EYA2: variants seen among roughly 807,000 people sequenced by gnomAD.
EYA2 encodes protein phosphatase EYA2.
In EYA2, 31 loss-of-function variants were observed where a neutral mutation model predicts 69.2. The observed-to-expected ratio is 0.45, with a 90% CI of 0.34 to 0.60. The LOEUF (loss-of-function observed/expected upper bound fraction) is 0.60. Ranked by LOEUF, EYA2 falls within the 20% of genes least tolerant of loss-of-function variation. EYA2 has a pLI of 0.02. For synonymous variants in EYA2, 257 were observed against 279.4 expected (o/e 0.92, Z 0.80); for missense variants, 622 against 701.2 (o/e 0.89, Z 1.28).
intron 5 of EYA2, among the ~76,000 whole-genome samples, chr20:47,057,106 G>GGGAGGGAGGGAAGGAAGAAGACA: frequency 7.0e-6 from 1 of 142,776 alleles, no homozygotes; most frequent in Non-Finnish European, 1.5e-5. Context: ...GAAGGAGGGA[G>GGGAGGGAGGGAAGGAAGAAGACA]GGAGGGAGGG....
At chr20:46,962,321 C>T (rs1401993266) in intron 1 of EYA2, among the ~76,000 whole-genome samples, 1 of 152,092 alleles carries the variant, frequency 6.6e-6, no homozygotes, top group African/African-American at 2.4e-5. Context: ...GCGACCGTGC[C>T]CAGTCAGAGC....
chr20:47,014,550 A>G (rs1280896064), intron 4 of EYA2, among the ~76,000 whole-genome samples: 1 of 151,908 alleles, frequency 6.6e-6, no homozygotes, highest in Non-Finnish European at 1.5e-5. Flanking sequence ...AAGAAGATTT[A>G]AGATGTTCTT....
At chr20:47,182,472 T>TA (rs1448450363) in intron 14 of EYA2, among the ~76,000 whole-genome samples, 13 of 149,354 alleles carry the variant, frequency 8.7e-5, no homozygotes, top group African/African-American at 2.0e-4. Context: ...GTACTAAAAA[T>TA]AAAAAAATTA....
intron 5 of EYA2, 88 bp downstream of exon 5, chr20:47,016,385 T>C: frequency 2.0e-6 from 2 of 977,798 alleles, no homozygotes; most frequent in South Asian, 1.3e-5. Context: ...AGCAGATTTT[T>C]TGAGCACCTA....
intron 1 of EYA2, among the ~76,000 whole-genome samples, chr20:46,987,964 CTATATATA>C (rs71183225): frequency 2.5e-3 from 28 of 11,270 alleles, no homozygotes; most frequent in East Asian, 0.013. Flanking sequence ...CTCTCTCTCT[CTATATATA>C]TATATATATA....
chr20:47,059,154 C>T (rs1002568027), intron 5 of EYA2, among the ~76,000 whole-genome samples: 4 of 152,130 alleles, frequency 2.6e-5, no homozygotes, highest in East Asian at 3.9e-4. Flanking sequence ...GCCTTAACAC[C>T]CGAGGTGCAG....
chr20:47,051,290 G>A (rs1485488036), intron 5 of EYA2, among the ~76,000 whole-genome samples: 1 of 152,250 alleles, frequency 6.6e-6, no homozygotes. Context: ...CATCTGCTGT[G>A]AAGAAATCAG....
At chr20:47,168,554 T>A (rs2034253830) in intron 10 of EYA2, among the ~76,000 whole-genome samples, 1 of 151,746 alleles carries the variant, frequency 6.6e-6, no homozygotes, top group African/African-American at 2.4e-5. Context: ...GGAAACAGCA[T>A]GGCATTGGAG....
At chr20:47,002,968 G>A (rs976299961) in intron 3 of EYA2, among the ~76,000 whole-genome samples, 1 of 152,210 alleles carries the variant, frequency 6.6e-6, no homozygotes, top group Non-Finnish European at 1.5e-5. Context: ...GCATTCACCT[G>A]CTGTGAGGCC....
At chr20:46,896,790 T>G (rs1225035781) in intron 1 of EYA2, among the ~76,000 whole-genome samples, 1 of 152,206 alleles carries the variant, frequency 6.6e-6, no homozygotes, top group Non-Finnish European at 1.5e-5. Context: ...TTAAAGCAGT[T>G]TATATGTCCC....
intron 5 of EYA2, among the ~76,000 whole-genome samples, chr20:47,066,307 G>A (rs139583098): frequency 0.011 from 1,655 of 152,164 alleles, 30 homozygotes; most frequent in African/African-American, 0.038. Context: ...ACTCCAGCCT[G>A]GGCAACAGAG....
chr20:46,977,793 A>G (rs1980551696), intron 1 of EYA2, among the ~76,000 whole-genome samples: 1 of 152,156 alleles, frequency 6.6e-6, no homozygotes. Flanking sequence ...CACAACTTCT[A>G]TTCAATGACA....
At chr20:46,995,507 C>T (rs1031322611) in intron 2 of EYA2, among the ~76,000 whole-genome samples, 2 of 152,158 alleles carry the variant, frequency 1.3e-5, no homozygotes, top group African/African-American at 4.8e-5. Context: ...TTCTGGATGC[C>T]TAGTGTGGTG....
chr20:47,156,127 C>CACATAT (rs2033938167), intron 10 of EYA2, among the ~76,000 whole-genome samples: 1 of 14,652 alleles, frequency 6.8e-5, no homozygotes, highest in Non-Finnish European at 1.2e-4. Context: ...CACACACACA[C>CACATAT]ATATATATAT....
intron 10 of EYA2, among the ~76,000 whole-genome samples, chr20:47,146,237 A>G (rs1048246148): frequency 3.6e-4 from 55 of 152,188 alleles, no homozygotes; most frequent in Non-Finnish European, 7.4e-5. Flanking sequence ...CACCCTGGTG[A>G]AGATGCCAGA....
intron 9 of EYA2, among the ~76,000 whole-genome samples, chr20:47,115,515 G>A (rs564748215): frequency 1.3e-5 from 2 of 152,180 alleles, no homozygotes; most frequent in African/African-American, 2.4e-5. Flanking sequence ...CAGGTCACCC[G>A]TCTTATGCTC....
intron 5 of EYA2, among the ~76,000 whole-genome samples, chr20:47,051,988 T>C (rs1170052376): frequency 1.3e-5 from 2 of 152,178 alleles, no homozygotes; most frequent in East Asian, 1.9e-4. Context: ...TGAATAGTTA[T>C]CAAACGTTTG....
At chr20:47,001,546 A>G in intron 3 of EYA2, 73 bp downstream of exon 3, 2 of 1,492,042 alleles carry the variant, frequency 1.3e-6, no homozygotes, top group Non-Finnish European at 1.9e-6. Context: ...AGGTTAAGAG[A>G]GAGGGCCCTG....
intron 10 of EYA2, among the ~76,000 whole-genome samples, chr20:47,146,735 G>A (rs2033709332): frequency 6.6e-6 from 1 of 152,210 alleles, no homozygotes; most frequent in Non-Finnish European, 1.5e-5. Context: ...AAAGCCAGAA[G>A]CCTTTGTTCT....
Sources: allele counts gnomAD v4.1 joint callset (sites outside exome capture counted in the v4.1 genomes callset), GRCh38; gene constraint gnomAD v4.1.1; transcripts MANE v1.5; gene names NCBI Gene and HGNC (gene_info 2026-07-23, HGNC 2026-07-21).